The following APBA2 variants were observed in gnomAD, a reference collection of about 807,000 sequenced individuals.
APBA2 encodes the protein amyloid-beta A4 precursor protein-binding family A member 2.
APBA2 carries 30 observed loss-of-function variants against 75.0 expected under a neutral mutation model. That is an observed-to-expected ratio of 0.40 (90% CI 0.30 to 0.54). The LOEUF is 0.54. Among genes scored for constraint, APBA2 ranks in the 20% least tolerant of loss-of-function variants. APBA2 has a pLI of 0.49. For synonymous variants in APBA2, 444 were observed against 409.6 expected (o/e 1.08, Z -1.01); for missense variants, 801 against 1,016.1 (o/e 0.79, Z 2.88).
At chr15:28,929,989 T>C (rs1303131931) in intron 2 of APBA2, among the ~76,000 whole-genome samples, 2 of 152,172 alleles carry the variant, frequency 1.3e-5, no homozygotes, top group East Asian at 3.9e-4. Context: ...TCAAAGCTGT[T>C]GAGCAGTTAT....
intron 6 of APBA2, among the ~76,000 whole-genome samples, chr15:29,080,803 G>A (rs2043053253): frequency 6.6e-6 from 1 of 152,214 alleles, no homozygotes; most frequent in South Asian, 2.1e-4. Flanking sequence ...TTAGTCCCAA[G>A]CAATGGGGCC....
intron 4 of APBA2, among the ~76,000 whole-genome samples, chr15:29,062,386 C>G (rs1370098113): frequency 1.3e-5 from 2 of 152,258 alleles, no homozygotes; most frequent in African/African-American, 2.4e-5. Context: ...CTACTGATTC[C>G]CAGGATTGCC....
rs56993296 is a variant in APBA2 at position 29,017,397 on chromosome 15, CTTTTTTTTT to C, written c.-41+21604_-41+21612del. Among the ~76,000 whole-genome samples, 465 of 102,086 alleles carry C rather than the reference CTTTTTTTTT, an allele frequency of 4.6e-3. 3 individuals are homozygous for C. Among genetic ancestry groups the C allele is most frequent in the African/African-American group, 0.02 (451 of 22,334 alleles). 67.0% of individuals were successfully genotyped at this position (102,086 alleles called of 152,430 possible). A position where few individuals can be genotyped will look rare whatever the true frequency, so the allele number is the denominator to read the frequency against. On this transcript the variant is annotated intron_variant, in intron 3 of 14. Transcript: ENST00000683413. ...TTTTTCCATCTTCTTTTCTTTCTTT[CTTTTTTTTT>C]TTTTTTTTTTTTGAGATGGAATCTC... is the stretch of plus-strand genomic sequence containing the variant.
chr15:29,036,004 T>TC (rs1349500546), intron 3 of APBA2, among the ~76,000 whole-genome samples: 4 of 152,218 alleles, frequency 2.6e-5, no homozygotes. Flanking sequence ...GCCCAGGGAC[T>TC]CCACCGCTGG....
chr15:28,897,730 T>C lies in APBA2; in HGVS notation c.-205+11452T>C, dbSNP rs2032593763. ...CAGAGTAGACATTCGTACAACTGCT[T>C]TGGGAAGCTTTTTTGTAGAATTAAC... On this transcript the variant is annotated intron_variant, in intron 1 of 14. Coordinates refer to ENST00000683413, the MANE Select transcript of APBA2 (RefSeq NM_001353788.2). Among the ~76,000 whole-genome samples, 4 of 152,050 alleles carry C rather than the reference T, an allele frequency of 2.6e-5. No homozygotes were observed. In the South Asian group the frequency reaches 8.3e-4, roughly 32 times the overall value.
chr15:29,102,984 C>T (rs1429444758), intron 10 of APBA2, among the ~76,000 whole-genome samples: 2 of 150,302 alleles, frequency 1.3e-5, no homozygotes, highest in Admixed American at 1.3e-4. Flanking sequence ...GGCGCAATGG[C>T]AGATTTACAG....
intron 3 of APBA2, among the ~76,000 whole-genome samples, chr15:29,038,665 ATTTTTTTTTT>A (rs67217686): frequency 2.8e-5 from 3 of 105,462 alleles, no homozygotes; most frequent in African/African-American, 1.1e-4. Flanking sequence ...ATATGCAGGC[ATTTTTTTTTT>A]TTTTTTTTTT....
At chr15:28,960,004 G>T (rs938953887) in intron 2 of APBA2, among the ~76,000 whole-genome samples, 3 of 152,264 alleles carry the variant, frequency 2.0e-5, no homozygotes, top group African/African-American at 4.8e-5. Context: ...AATTAGCTGG[G>T]CCTGGTGGCA....
At chr15:28,911,401 C>T (rs939860842) in intron 1 of APBA2, among the ~76,000 whole-genome samples, 2 of 152,080 alleles carry the variant, frequency 1.3e-5, no homozygotes, top group Non-Finnish European at 1.5e-5. Flanking sequence ...CTTTTGGGGA[C>T]GGAGCCTGTG....
chr15:28,886,706 C>T (rs2031756898), intron 1 of APBA2, among the ~76,000 whole-genome samples: 1 of 152,218 alleles, frequency 6.6e-6, no homozygotes, highest in African/African-American at 2.4e-5. Flanking sequence ...TTGGGGTCGC[C>T]TCTGGGTTCG....
chr15:28,975,176 A>G (rs2037268673), intron 2 of APBA2, among the ~76,000 whole-genome samples: 1 of 152,214 alleles, frequency 6.6e-6, no homozygotes, highest in African/African-American at 2.4e-5. Flanking sequence ...TAATTTATTC[A>G]GATTGACCCC....
intron 3 of APBA2, among the ~76,000 whole-genome samples, chr15:29,048,835 C>T (rs1393145390): frequency 2.0e-5 from 3 of 150,956 alleles, no homozygotes; most frequent in Non-Finnish European, 4.4e-5. Flanking sequence ...CCTAGCTACT[C>T]GGGAGGCTGA....
chr15:29,034,481 G>A (rs2040645265), intron 3 of APBA2, among the ~76,000 whole-genome samples: 1 of 152,226 alleles, frequency 6.6e-6, no homozygotes, highest in Non-Finnish European at 1.5e-5. Flanking sequence ...TGATTGCCAT[G>A]ACTTAGTGGT....
chr15:29,089,260 G>A (rs914307863), intron 6 of APBA2, among the ~76,000 whole-genome samples: 3 of 152,196 alleles, frequency 2.0e-5, no homozygotes, highest in Admixed American at 1.3e-4. Context: ...GCAAAGCCAC[G>A]TGACCCACTT....
At chr15:28,924,837 T>C (rs550210494) in intron 2 of APBA2, among the ~76,000 whole-genome samples, 1 of 152,310 alleles carries the variant, frequency 6.6e-6, no homozygotes, top group East Asian at 1.9e-4. Flanking sequence ...ACTGCCAAAC[T>C]GTTTTCCACC....
chr15:28,913,146 C>CA (rs1341812784), intron 1 of APBA2, among the ~76,000 whole-genome samples: 1 of 152,198 alleles, frequency 6.6e-6, no homozygotes, highest in Non-Finnish European at 1.5e-5. Context: ...ACTTCTGGGC[C>CA]AAAAGGGGTT....
chr15:29,006,108 CAG>C (rs1461707046), intron 3 of APBA2, among the ~76,000 whole-genome samples: 1 of 152,118 alleles, frequency 6.6e-6, no homozygotes, highest in Non-Finnish European at 1.5e-5. Context: ...AAAAAGAAAT[CAG>C]AGGCATCCAA....
intron 14 of APBA2, among the ~76,000 whole-genome samples, chr15:29,115,403 C>T (rs980123956): frequency 6.6e-6 from 1 of 152,020 alleles, no homozygotes; most frequent in African/African-American, 2.4e-5. Context: ...GGGTCTGGCT[C>T]AGGAGGAGGA....
chr15:28,962,405 A>G (rs1418280748), intron 2 of APBA2, among the ~76,000 whole-genome samples: 1 of 151,918 alleles, frequency 6.6e-6, no homozygotes, highest in Non-Finnish European at 1.5e-5. Context: ...CCCCATCTCT[A>G]CTAAAAATAC....
Sources: gnomAD v4.1 joint callset for allele counts (sites outside exome capture counted in the v4.1 genomes callset) on GRCh38, gnomAD v4.1.1 for gene constraint, MANE v1.5 for transcripts, NCBI Gene and HGNC (gene_info 2026-07-23, HGNC 2026-07-21) for gene names.